The following ISG20 variants were observed in gnomAD, a reference collection of about 807,000 sequenced individuals.
ISG20 encodes the protein interferon stimulated exonuclease gene 20.
Under a neutral mutation model 11.1 loss-of-function variants are expected in ISG20, and 8 were observed. The ratio of observed to expected loss-of-function variants is 0.72; its 90% confidence interval spans 0.42 to 1.30. The LOEUF (loss-of-function observed/expected upper bound fraction) is 1.30. Among genes scored for constraint, ISG20 ranks in the 50% most tolerant of loss-of-function variants. The pLI is 0.01. For missense variants in ISG20, 243 were observed against 250.2 expected (o/e 0.97, Z 0.19); for synonymous variants, 110 against 101.7 (o/e 1.08, Z -0.49).
At chr15:88,637,243 C>CTTT (rs2057998174), upstream of ISG20, 1 of 151,722 alleles carries the variant, frequency 6.6e-6, no homozygotes, top group African/African-American at 2.4e-5. Context: ...AAAAGAAAGG[C>CTTT]CTTAAATTGG....
In ISG20 at chr15:88,655,504, G is replaced by T. The variant is rs1468764518; in HGVS notation, c.519G>T (p.Gly173=). 1.2e-6 allele frequency: 2 copies of T among 1,613,754 alleles called. No homozygotes were observed. Among genetic ancestry groups the T allele is most frequent in the Non-Finnish European group, 8.5e-7 (1 of 1,180,010 alleles). The stretch of plus-strand genomic sequence containing the variant: ...CCCAGAGAATCCGAGCCCGCCGAGG[G>T]CTGCCCCGCCTGGCTGTGTCAGACT... ...QISQRIRARR[G]LPRLAVSD is the part of the protein sequence containing the mutation. The change falls in exon 4 of 4, where the codon GGG becomes GGT. Residue 173 remains glycine (G), a synonymous_variant. Coordinates refer to ENST00000306072, the MANE Select transcript of ISG20 (RefSeq NM_002201.6).
chr15:88,652,226 G>T lies in ISG20; in HGVS notation c.345G>T (p.Leu115=). Residue 115 remains leucine, a synonymous_variant, in exon 3 of 4, where the codon CTG becomes CTT. Transcript: ENST00000306072. ...TCTACGACACGTCCACTGACAGGCT[G>T]TTGTGGCGTGAGGCCAAGCTGGACC... ...YTIYDTSTDR[L]LWREAKLDHC... is the part of the protein sequence containing the mutation. The T allele has an allele frequency of 6.2e-7, 1 of 1,614,074 alleles. No homozygotes were observed. Among genetic ancestry groups the T allele is most frequent in the Non-Finnish European group, 8.5e-7 (1 of 1,179,986 alleles).
At chr15:88,635,987 A>G (rs1167116139), upstream of ISG20, among the ~76,000 whole-genome samples, 1 of 152,268 alleles carries the variant, frequency 6.6e-6, no homozygotes, top group African/African-American at 2.4e-5. Flanking sequence ...AGGAATACAC[A>G]TACACATTTT....
chr15:88,654,408 G>T (rs1335521549), intron 3 of ISG20, among the ~76,000 whole-genome samples: 1 of 152,158 alleles, frequency 6.6e-6, no homozygotes, highest in Non-Finnish European at 1.5e-5. Flanking sequence ...TTTTTGAGCT[G>T]GGCCGTCTAA....
rs1019626361 is a variant in ISG20, at chr15:88,650,085, C to T, written c.229-2025C>T. Reference sequence around the variant, plus strand: ...CAGGCTACGGGGAAGGTGTTAGGCACCAGAAGGCTCTTTCCTGGTGTACAG... The same window carrying T: ...CAGGCTACGGGGAAGGTGTTAGGCATCAGAAGGCTCTTTCCTGGTGTACAG... On this transcript the variant is annotated intron_variant, in intron 2 of 3. Coordinates refer to ENST00000306072, the MANE Select transcript of ISG20 (RefSeq NM_002201.6). This position sits in a 1 kb window ranked among gnomAD's most constrained non-coding sequence, Gnocchi z 4.0. The T allele has an allele frequency of 7.6e-6, 5 of 661,116 alleles. No individual in the cohort carries two copies. The highest frequency in any genetic ancestry group is 5.6e-5 in the East Asian group (2 of 35,892). 41.0% of individuals were successfully genotyped at this position (661,116 alleles called of 1,614,324 possible). A position where few individuals can be genotyped will look rare whatever the true frequency, so the allele number is the denominator to read the frequency against.
intron 2 of ISG20, 162 bp from the exon 3 acceptor site, chr15:88,651,948 C>T: frequency 6.9e-7 from 1 of 1,447,564 alleles, no homozygotes; most frequent in South Asian, 1.4e-5. Context: ...GGTCCTAGTG[C>T]AATCTCTTCT....
chr15:88,645,082 G>C (rs1197824664), intron 2 of ISG20, among the ~76,000 whole-genome samples: 1 of 152,228 alleles, frequency 6.6e-6, no homozygotes, highest in East Asian at 1.9e-4. Context: ...ACCCTGCTCA[G>C]ACTGGGCACT....
At chr15:88,636,541 G>A (rs1449954060), upstream of ISG20, among the ~76,000 whole-genome samples, 1 of 152,160 alleles carries the variant, frequency 6.6e-6, no homozygotes, top group Non-Finnish European at 1.5e-5. Flanking sequence ...CAGAGAAGGG[G>A]ATAGGAAGTA....
At chr15:88,642,834 T>C (rs992865282) in intron 2 of ISG20, among the ~76,000 whole-genome samples, 9 of 152,124 alleles carry the variant, frequency 5.9e-5, no homozygotes, top group Admixed American at 5.9e-4. Flanking sequence ...CAGGCTGGTC[T>C]CGAATGCCTC....
Position 88,655,489 on chromosome 15 carries a change from C to T in ISG20, c.504C>T (p.Ile168=). The T allele has an allele frequency of 6.2e-7, 1 of 1,613,534 alleles. No homozygotes were observed. The highest frequency in any genetic ancestry group is 8.5e-7 in the Non-Finnish European group (1 of 1,179,998). ...AGCTCTATCAAATCTCCCAGAGAAT[C>T]CGAGCCCGCCGAGGGCTGCCCCGCC... ...TMELYQISQR[I]RARRGLPRLA... Residue 168 remains isoleucine, a synonymous_variant, in exon 4 of 4, where the codon ATC becomes ATT. Transcript: ENST00000306072.
chr15:88,650,204 C>A lies in ISG20; in HGVS notation c.229-1906C>A. ...GACTAGCCACGAGCCGCCCCTTTCC[C>A]TAATAGAGCTCACATCTGTTCTATT... On this transcript the variant is annotated intron_variant, in intron 2 of 3. Transcript: ENST00000306072. This position sits in a 1 kb window ranked among gnomAD's most constrained non-coding sequence, Gnocchi z 4.0. The A allele has an allele frequency of 2.6e-6, 4 of 1,522,820 alleles. No homozygotes were observed. The highest frequency in any genetic ancestry group is 1.2e-5 in the South Asian group (1 of 83,810). 94.3% of individuals were successfully genotyped at this position (1,522,820 alleles called of 1,614,324 possible). A position where few individuals can be genotyped will look rare whatever the true frequency, so the allele number is the denominator to read the frequency against.
In ISG20 at chr15:88,643,596, C is replaced by T. The variant is rs1387901347; in HGVS notation, c.228+4002C>T. Reference sequence around the variant, plus strand: ...GTGGGTGCCTGTAATCCAAGCTACTCAGGAGGCTGACGCAGGAGAATCGCT... The same window carrying T: ...GTGGGTGCCTGTAATCCAAGCTACTTAGGAGGCTGACGCAGGAGAATCGCT... On this transcript the variant is annotated intron_variant, in intron 2 of 3. Coordinates refer to ENST00000306072, the MANE Select transcript of ISG20 (RefSeq NM_002201.6). This position sits in a 1 kb window ranked among gnomAD's most constrained non-coding sequence, Gnocchi z 4.4. Among the ~76,000 whole-genome samples the T allele has an allele frequency of 6.6e-6, 1 of 152,110 alleles. No individual in the cohort carries two copies. The highest frequency in any genetic ancestry group is 1.5e-5 in the Non-Finnish European group (1 of 68,036).
intron 2 of ISG20, among the ~76,000 whole-genome samples, chr15:88,646,717 G>C (rs1330107600): frequency 6.6e-6 from 1 of 152,218 alleles, no homozygotes; most frequent in Non-Finnish European, 1.5e-5. Context: ...ACAAGGCCAG[G>C]TGACACCTCT....
rs7162553 is a variant in ISG20 at position 88,643,638 on chromosome 15, A to C, written c.228+4044A>C. Among the ~76,000 whole-genome samples, 2,343 of 152,274 alleles carry C rather than the reference A, an allele frequency of 0.015. 67 individuals carry two copies. Among genetic ancestry groups the C allele is most frequent in the African/African-American group, 0.052 (2,171 of 41,536 alleles). ...AGAATCGCTTAAACCCAGGAGGCGG[A>C]AGTTGCAGTGAGCCAAGATCGTGCC... On this transcript the variant is annotated intron_variant, in intron 2 of 3. Transcript: ENST00000306072. The surrounding 1 kb of genome is among the most constrained non-coding windows in gnomAD (Gnocchi z 4.4).
In ISG20 at chr15:88,656,307, AAG is replaced by A. The variant is rs2058374206; in HGVS notation, c.*779_*780del. 1 of 152,180 alleles carries A rather than the reference AAG, an allele frequency of 6.6e-6. No homozygotes were observed. The highest frequency in any genetic ancestry group is 2.1e-4 in the South Asian group (1 of 4,830). The allele number at this position is 152,180 out of a possible 1,614,324, so 9.4% of individuals were successfully genotyped here. A position where few individuals can be genotyped will look rare whatever the true frequency, so the allele number is the denominator to read the frequency against. On this transcript the variant is annotated 3_prime_UTR_variant, in exon 4 of 4. Coordinates refer to ENST00000306072, the MANE Select transcript of ISG20 (RefSeq NM_002201.6). ...GCCTGCACATCTAGGGCACCCCAGG[AAG>A]AGTCACCGCACTCTGTTTCGGGGCT...
chr15:88,649,737 G>C lies in ISG20; in HGVS notation c.229-2373G>C, dbSNP rs182042907. On this transcript the variant is annotated intron_variant, in intron 2 of 3. Coordinates refer to ENST00000306072, the MANE Select transcript of ISG20 (RefSeq NM_002201.6). ...GCCTCAGTTTTGTCGCCATTTCCCA[G>C]GTGACCTCTAGCACACTCAAGTTTG... 689 of 156,990 alleles carry C rather than the reference G, an allele frequency of 4.4e-3. 4 individuals are homozygous for C. Among genetic ancestry groups the C allele is most frequent in the Non-Finnish European group, 6.1e-3 (430 of 70,848 alleles). 9.7% of individuals were successfully genotyped at this position (156,990 alleles called of 1,614,324 possible). A position where few individuals can be genotyped will look rare whatever the true frequency, so the allele number is the denominator to read the frequency against.
At chr15:88,652,005 C>T (rs1376888919) in intron 2 of ISG20, 105 bp from the exon 3 acceptor site, 5 of 1,553,374 alleles carry the variant, frequency 3.2e-6, no homozygotes, top group Non-Finnish European at 4.4e-6. Flanking sequence ...GATAATTTGC[C>T]CAAGGTCACA....
intron 3 of ISG20, among the ~76,000 whole-genome samples, chr15:88,654,701 G>A (rs1224375482): frequency 2.0e-5 from 3 of 152,206 alleles, no homozygotes; most frequent in African/African-American, 7.2e-5. Context: ...TTTATCATCA[G>A]TAAAATGGGG....
chr15:88,649,425 G>A (rs10852109), intron 2 of ISG20: 112,758 of 152,138 alleles, frequency 0.74, 42,788 homozygotes, highest in Middle Eastern at 0.87. Flanking sequence ...TACCTTCTAC[G>A]TCTGTGCCCA....
Sources: allele counts gnomAD v4.1 joint callset (sites outside exome capture counted in the v4.1 genomes callset), GRCh38; gene constraint gnomAD v4.1.1; non-coding constraint Gnocchi (gnomAD v3.1); transcripts MANE v1.5; gene names NCBI Gene and HGNC (gene_info 2026-07-23, HGNC 2026-07-21).